The following UNC79 variants were observed in gnomAD, a reference collection of about 807,000 sequenced individuals.
UNC79 encodes unc-79 subunit of NALCN channel complex, also known as protein unc-79 homolog.
In UNC79, 37 loss-of-function variants were observed where a neutral mutation model predicts 283.1. The ratio of observed to expected loss-of-function variants is 0.13; its 90% CI spans 0.10 to 0.17. The LOEUF (loss-of-function observed/expected upper bound fraction) is 0.17, where lower values mean the gene tolerates loss of function less well. Ranked by LOEUF, UNC79 falls within the 10% of genes least tolerant of loss-of-function variation. The probability of loss-of-function intolerance (pLI) is 1.00; values close to 1 mark genes in which losing one functional copy is unlikely to be tolerated. For synonymous variants in UNC79, 1,107 were observed against 1,200.2 expected (o/e 0.92, Z 1.61); for missense variants, 2,272 against 3,211.1 (o/e 0.71, Z 7.07).
At chr14:93,533,115 T>G (rs1176929600) in intron 11 of UNC79, among the ~76,000 whole-genome samples, 1 of 152,214 alleles carries the variant, frequency 6.6e-6, no homozygotes, top group African/African-American at 2.4e-5. Flanking sequence ...CCATCTTCTC[T>G]TCTTGTTTTA....
intron 1 of UNC79, among the ~76,000 whole-genome samples, chr14:93,338,915 A>T (rs2053640563): frequency 6.6e-6 from 1 of 151,882 alleles, no homozygotes; most frequent in Non-Finnish European, 1.5e-5. Flanking sequence ...TCAAAAACAA[A>T]CAAAAAAAAC....
intron 1 of UNC79, among the ~76,000 whole-genome samples, chr14:93,366,285 C>T (rs2054331060): frequency 6.6e-6 from 1 of 152,124 alleles, no homozygotes. Flanking sequence ...ATTTAACTAA[C>T]TAAGGATATA....
intron 1 of UNC79, among the ~76,000 whole-genome samples, chr14:93,403,140 G>C (rs185759108): frequency 7.1e-4 from 108 of 152,282 alleles, no homozygotes; most frequent in Middle Eastern, 3.4e-3. Flanking sequence ...ATGTGAGAGG[G>C]GGGTAGAGGA....
rs2060653853 is a variant in UNC79, at chr14:93,528,654, T to C, written c.1052+8T>C. ...CAGCGAGAGGATTGCAGGGTAGGTA[T>C]AAGAGTTCTTAAAGAAAAGGAAATA... On this transcript the variant is annotated splice_region_variant and intron_variant, in intron 9 of 48. Coordinates refer to ENST00000555664, the Ensembl canonical transcript of UNC79. 1 of 1,612,010 alleles carries C rather than the reference T, an allele frequency of 6.2e-7. No individual in the cohort carries two copies. The highest frequency in any genetic ancestry group is 1.7e-5 in the Admixed American group (1 of 59,748).
chr14:93,588,960 A>G (rs2064444869), intron 22 of UNC79, among the ~76,000 whole-genome samples: 1 of 152,172 alleles, frequency 6.6e-6, no homozygotes, highest in South Asian at 2.1e-4. Flanking sequence ...AGGGGAGTTT[A>G]TAACGGCTGA....
chr14:93,416,606 A>G (rs2055464628), intron 1 of UNC79, among the ~76,000 whole-genome samples: 2 of 152,114 alleles, frequency 1.3e-5, no homozygotes, highest in South Asian at 4.1e-4. Flanking sequence ...GATCTGTCTA[A>G]TGTTGACAGT....
intron 5 of UNC79, among the ~76,000 whole-genome samples, chr14:93,493,892 TATATATATA>T (rs369259255): frequency 8.1e-4 from 60 of 74,134 alleles, no homozygotes; most frequent in Middle Eastern, 7.4e-3. Flanking sequence ...TATATATATA[TATATATATA>T]TTTTTTTTTT....
At chr14:93,699,430 C>T (rs2075375833) in intron 47 of UNC79, among the ~76,000 whole-genome samples, 1 of 152,170 alleles carries the variant, frequency 6.6e-6, no homozygotes, top group Non-Finnish European at 1.5e-5. Context: ...AATTTCCTTT[C>T]AATACTGTTT....
At chr14:93,701,726 C>T (rs1411420538) in intron 47 of UNC79, among the ~76,000 whole-genome samples, 2 of 152,162 alleles carry the variant, frequency 1.3e-5, no homozygotes, top group Non-Finnish European at 2.9e-5. Context: ...ATAATGTCAT[C>T]AATAATGATG....
intron 40 of UNC79, among the ~76,000 whole-genome samples, chr14:93,667,743 T>C (rs117801015): frequency 3.0e-3 from 461 of 152,322 alleles, no homozygotes; most frequent in Admixed American, 6.0e-3. Flanking sequence ...AGGAAAATTA[T>C]AGGTCAATAT....
At chr14:93,579,398 G>T (rs1007849737) in intron 18 of UNC79, among the ~76,000 whole-genome samples, 5 of 152,174 alleles carry the variant, frequency 3.3e-5, no homozygotes, top group Non-Finnish European at 7.3e-5. Context: ...TTACTATCAT[G>T]ACAGTCGAGT....
chr14:93,393,726 C>T (rs1167484398), intron 1 of UNC79, among the ~76,000 whole-genome samples: 1 of 152,020 alleles, frequency 6.6e-6, no homozygotes, highest in African/African-American at 2.4e-5. Context: ...AAAGCCATAC[C>T]ATTATTAGAA....
chr14:93,407,896 A>G (rs887489712), intron 1 of UNC79, among the ~76,000 whole-genome samples: 1 of 152,216 alleles, frequency 6.6e-6, no homozygotes. Flanking sequence ...AACAAGGGAG[A>G]CAAAACAAGA....
intron 27 of UNC79, among the ~76,000 whole-genome samples, chr14:93,615,431 G>A (rs1004895432): frequency 3.9e-5 from 6 of 152,032 alleles, no homozygotes; most frequent in Admixed American, 3.9e-4. Context: ...AGAAATATAA[G>A]CTAAAATCAA....
At chr14:93,636,668 A>G (rs147554358) in intron 31 of UNC79, among the ~76,000 whole-genome samples, 2,210 of 152,202 alleles carry the variant, frequency 0.015, 33 homozygotes, top group Middle Eastern at 0.024. Flanking sequence ...GCATGGCGCC[A>G]TGACTTACTG....
Position 93,461,806 on chromosome 14 carries a change from CAG to C in UNC79, c.23-5864_23-5863del, listed in dbSNP as rs1377520823. On this transcript the variant is annotated intron_variant, in intron 1 of 48. Transcript: ENST00000555664. ...CACAGAAAGAAATGAAGGTGGAGAT[CAG>C]GGAATCATTTTGGACAAGGAAGTTT... is the stretch of plus-strand genomic sequence containing the variant. 2.6e-5 allele frequency among the ~76,000 whole-genome samples: 4 copies of C among 152,124 alleles called. No individual in the cohort carries two copies. In the East Asian group the frequency reaches 7.7e-4, roughly 29 times the overall value.
intron 7 of UNC79, among the ~76,000 whole-genome samples, chr14:93,506,987 C>T (rs1377058256): frequency 1.3e-5 from 2 of 152,146 alleles, no homozygotes; most frequent in Non-Finnish European, 2.9e-5. Context: ...TTCAGGTATT[C>T]AGGTAAATGG....
At chr14:93,662,817 T>G (rs1280044128) in intron 40 of UNC79, 103 bp downstream of exon 43, 6 of 777,962 alleles carry the variant, frequency 7.7e-6, no homozygotes, top group Non-Finnish European at 1.2e-5. Flanking sequence ...TGCTTCCATA[T>G]AGTTAAAAAT....
chr14:93,686,354 A>T (rs761252799), intron 42 of UNC79, among the ~76,000 whole-genome samples: 2 of 152,182 alleles, frequency 1.3e-5, no homozygotes, highest in Non-Finnish European at 2.9e-5. Context: ...CATCTCCCAT[A>T]GGCCTCTCCT....
Sources: allele counts gnomAD v4.1 joint callset (sites outside exome capture counted in the v4.1 genomes callset), GRCh38; gene constraint gnomAD v4.1.1; transcripts MANE v1.5; gene names NCBI Gene and HGNC (gene_info 2026-07-23, HGNC 2026-07-21).